The following GRIN2B variants were observed in gnomAD, a reference collection of about 807,000 sequenced individuals.
The protein encoded by GRIN2B is glutamate ionotropic receptor NMDA type subunit 2B, also known as glutamate receptor ionotropic, NMDA 2B.
Under a neutral mutation model 114.5 loss-of-function variants are expected in GRIN2B, and 5 were observed. The ratio of observed to expected loss-of-function variants is 0.04; its 90% CI spans 0.02 to 0.09. The LOEUF is 0.09. Among genes scored for constraint, GRIN2B ranks in the 10% least tolerant of loss-of-function variants. GRIN2B has a pLI of 1.00. For missense variants in GRIN2B, 1,108 were observed against 1,943.5 expected (o/e 0.57, Z 8.08); for synonymous variants, 787 against 745.1 (o/e 1.06, Z -0.92).
At position 13,563,699 on chromosome 12, in the gene GRIN2B, T is replaced by C. The variant is rs1948586442; in HGVS notation, c.3539A>G (p.Lys1180Arg). 6.2e-7 allele frequency: 1 copy of C among 1,613,672 alleles called. No homozygotes were observed. ...GGPCTNRSHI[K>R]HGTGDKHGVV... is the part of the protein sequence containing the mutation. ...GCCGTGTTTGTCGCCCGTCCCGTGC[T>C]TGATGTGAGACCTGTTGGTACAGGG... The change falls in exon 14 of 14, where the codon AAG becomes AGG. Residue 1180 changes from lysine to arginine, a missense_variant. Physicochemically the swap from Lys to Arg is conservative, Grantham distance 26 (BLOSUM62 2). Coordinates refer to ENST00000609686, the MANE Select transcript of GRIN2B (RefSeq NM_000834.5).
Position 13,567,020 on chromosome 12 carries a change from C to T in GRIN2B, c.2598+5G>A, listed in dbSNP as rs1444250237. The T allele has an allele frequency of 2.5e-6, 4 of 1,599,550 alleles. No homozygotes were observed. Among genetic ancestry groups the T allele is most frequent in the Non-Finnish European group, 3.4e-6 (4 of 1,166,608 alleles). ...AGCTTTAGGCATTTAAATCAAAACA[C>T]TTACTCTGCTGATGGAGAAGACCAT... On this transcript the variant is annotated splice_donor_5th_base_variant and intron_variant, in intron 13 of 13. Transcript: ENST00000609686.
intron 12 of GRIN2B, among the ~76,000 whole-genome samples, chr12:13,567,727 C>T (rs1948659791): frequency 6.6e-6 from 1 of 151,986 alleles, no homozygotes; most frequent in Non-Finnish European, 1.5e-5. Flanking sequence ...AAAGGCACTC[C>T]AGGCAGCAGG....
At chr12:13,568,998 T>A (rs1048143242) in intron 12 of GRIN2B, among the ~76,000 whole-genome samples, 10 of 152,098 alleles carry the variant, frequency 6.6e-5, no homozygotes, top group Non-Finnish European at 1.5e-4. Context: ...GGCCGCAAGT[T>A]TATTTCTCCG....
At chr12:13,660,158 ACATCT>A (rs1949907331) in intron 5 of GRIN2B, among the ~76,000 whole-genome samples, 1 of 152,144 alleles carries the variant, frequency 6.6e-6, no homozygotes, top group African/African-American at 2.4e-5. Flanking sequence ...CTCAAAACTG[ACATCT>A]CATCACTTCA....
chr12:13,903,628 T>C (rs2096683333), intron 2 of GRIN2B, among the ~76,000 whole-genome samples: 1 of 152,078 alleles, frequency 6.6e-6, no homozygotes. Flanking sequence ...GTAATTTAAG[T>C]TTTGATAAAT....
intron 2 of GRIN2B, among the ~76,000 whole-genome samples, chr12:13,936,860 CA>C (rs1264478866): frequency 6.7e-6 from 1 of 149,236 alleles, no homozygotes; most frequent in Non-Finnish European, 1.5e-5. Context: ...AAAAAAGATG[CA>C]AATAAAAGTT....
At chr12:13,846,766 G>C (rs1321283987) in intron 3 of GRIN2B, among the ~76,000 whole-genome samples, 1 of 152,162 alleles carries the variant, frequency 6.6e-6, no homozygotes, top group Non-Finnish European at 1.5e-5. Flanking sequence ...GTGAGGTGAT[G>C]ATAAATGAGA....
chr12:13,667,582 AG>A (rs1326870087), intron 5 of GRIN2B, among the ~76,000 whole-genome samples: 6 of 152,194 alleles, frequency 3.9e-5, no homozygotes, highest in African/African-American at 7.2e-5. Context: ...ATAGGGAACC[AG>A]TTTGAAGAAG....
chr12:13,707,215 T>A (rs1950368070), intron 4 of GRIN2B, among the ~76,000 whole-genome samples: 1 of 151,956 alleles, frequency 6.6e-6, no homozygotes, highest in Admixed American at 6.6e-5. Context: ...TCTCTTTCAC[T>A]CCAGCAATTC....
chr12:13,662,654 T>G (rs1949935821), intron 5 of GRIN2B, among the ~76,000 whole-genome samples: 1 of 152,086 alleles, frequency 6.6e-6, no homozygotes, highest in East Asian at 1.9e-4. Context: ...GCACCTAGAA[T>G]AGTGCCCAGC....
chr12:13,933,870 G>T lies in GRIN2B; in HGVS notation c.-19+46058C>A, dbSNP rs1867081728. On this transcript the variant is annotated intron_variant, in intron 2 of 13. Transcript: ENST00000609686. ...AGAATGAGGTTCACCCTGCCTGAAG[G>T]TGAGCAGGGCTAGAAGCGGTAAGAG... 1.3e-5 allele frequency among the ~76,000 whole-genome samples: 2 copies of T among 152,182 alleles called. 1 individual carries two copies. Among genetic ancestry groups the T allele is most frequent in the South Asian group, 4.1e-4 (2 of 4,828 alleles).
At chr12:13,935,302 T>C (rs937505617) in intron 2 of GRIN2B, among the ~76,000 whole-genome samples, 5 of 152,204 alleles carry the variant, frequency 3.3e-5, no homozygotes, top group African/African-American at 1.2e-4. Context: ...CAGGACTCAA[T>C]AAACTACTTC....
At chr12:13,628,063 C>T (rs151322355) in intron 5 of GRIN2B, among the ~76,000 whole-genome samples, 27 of 152,306 alleles carry the variant, frequency 1.8e-4, no homozygotes, top group Middle Eastern at 3.4e-3. Context: ...CTCTATGCCA[C>T]AAATATTAAT....
chr12:13,887,077 T>G (rs1010077135), intron 2 of GRIN2B, among the ~76,000 whole-genome samples: 5 of 152,164 alleles, frequency 3.3e-5, no homozygotes, highest in Non-Finnish European at 7.3e-5. Flanking sequence ...ATGCGCATGC[T>G]CTTAATCACT....
At chr12:13,658,392 C>G (rs542466905) in intron 5 of GRIN2B, among the ~76,000 whole-genome samples, 1 of 151,958 alleles carries the variant, frequency 6.6e-6, no homozygotes. Context: ...CTTTTGACAT[C>G]AGACACAAAT....
At chr12:13,639,566 G>T (rs1325703407) in intron 5 of GRIN2B, among the ~76,000 whole-genome samples, 1 of 152,006 alleles carries the variant, frequency 6.6e-6, no homozygotes, top group Non-Finnish European at 1.5e-5. Context: ...CATTCACAAG[G>T]TTCTTTTTAT....
At chr12:13,939,038 G>C (rs942450503) in intron 2 of GRIN2B, among the ~76,000 whole-genome samples, 6 of 152,082 alleles carry the variant, frequency 3.9e-5, no homozygotes, top group African/African-American at 1.4e-4. Flanking sequence ...AGCTCACCTC[G>C]AAAGACTTTA....
intron 12 of GRIN2B, among the ~76,000 whole-genome samples, chr12:13,569,468 A>G (rs1948679990): frequency 6.6e-6 from 1 of 152,206 alleles, no homozygotes; most frequent in Admixed American, 6.5e-5. Context: ...GGTCAGGGGT[A>G]TGCTTCTACA....
intron 2 of GRIN2B, among the ~76,000 whole-genome samples, chr12:13,951,079 T>G (rs1867470213): frequency 6.6e-6 from 1 of 152,168 alleles, no homozygotes; most frequent in Non-Finnish European, 1.5e-5. Context: ...GCCTGCCAGA[T>G]AAAATACAGG....
Sources: gnomAD v4.1 joint callset for allele counts (sites outside exome capture counted in the v4.1 genomes callset) on GRCh38, gnomAD v4.1.1 for gene constraint, MANE v1.5 for transcripts, NCBI Gene and HGNC (gene_info 2026-07-23, HGNC 2026-07-21) for gene names.